Variants in ABHD5 observed in about 807,000 individuals in gnomAD.
ABHD5 encodes the protein 1-acylglycerol-3-phosphate O-acyltransferase ABHD5.
In ABHD5, 30 loss-of-function variants were observed where a neutral mutation model predicts 44.9. That is an observed-to-expected ratio of 0.67 (90% CI 0.50 to 0.91). The LOEUF is 0.91. ABHD5 is among the 40% of genes least tolerant of loss of function. The pLI is 0.00. For synonymous variants in ABHD5, 167 were observed against 147.0 expected (o/e 1.14, Z -0.99); for missense variants, 399 against 423.4 (o/e 0.94, Z 0.50).
At chr3:43,715,184 G>A in intron 5 of ABHD5, 126 bp downstream of exon 5, 1 of 698,276 alleles carries the variant, frequency 1.4e-6, no homozygotes, top group South Asian at 1.6e-5. Flanking sequence ...ATTCAATACG[G>A]GGTTTCGCTC....
At chr3:43,714,190 A>C (rs1413551298) in intron 4 of ABHD5, among the ~76,000 whole-genome samples, 5 of 141,654 alleles carry the variant, frequency 3.5e-5, no homozygotes. Context: ...GTTAGAGTGC[A>C]GTGGCGCGAT....
intron 4 of ABHD5, among the ~76,000 whole-genome samples, chr3:43,714,733 T>C (rs1423375169): frequency 6.6e-6 from 1 of 152,160 alleles, no homozygotes; most frequent in Non-Finnish European, 1.5e-5. Context: ...TACAATACTC[T>C]TTACTTCTTA....
chr3:43,702,098 A>G lies in ABHD5; in HGVS notation c.134-117A>G, dbSNP rs1304808534. 8 of 863,444 alleles carry G rather than the reference A, an allele frequency of 9.3e-6. No homozygotes were observed. In the Admixed American group the frequency reaches 2.3e-4, roughly 25 times the overall value. 53.5% of individuals were successfully genotyped at this position (863,444 alleles called of 1,614,324 possible). A position where few individuals can be genotyped will look rare whatever the true frequency, so the allele number is the denominator to read the frequency against. On this transcript the variant is annotated intron_variant, in intron 2 of 6. Coordinates refer to ENST00000644371, the MANE Select transcript of ABHD5 (RefSeq NM_016006.6). ...ACTTTTTAAAAATAGCTGACAATACAAGCTAAAATCATGAGATTGGATACT... is the reference window on the plus strand; with the variant it reads ...ACTTTTTAAAAATAGCTGACAATACGAGCTAAAATCATGAGATTGGATACT...
In ABHD5 at chr3:43,721,596, C is replaced by T. The variant is rs1027900235; in HGVS notation, c.*3064C>T. The T allele has an allele frequency of 1.3e-5, 2 of 151,126 alleles. No homozygotes were observed. The highest frequency in any genetic ancestry group is 4.9e-5 in the African/African-American group (2 of 41,152). 9.4% of individuals were successfully genotyped at this position (151,126 alleles called of 1,614,324 possible). On this transcript the variant is annotated 3_prime_UTR_variant, in exon 7 of 7. Coordinates refer to ENST00000644371, the MANE Select transcript of ABHD5 (RefSeq NM_016006.6). ...AAAAAAAAAAAAATTAAGTACCTGG[C>T]CTGGGTTCCACCTACTTGGGAGGCT...
intron 7 of ABHD5, among the ~76,000 whole-genome samples, chr3:43,728,987 C>T (rs1263652238): frequency 6.6e-6 from 1 of 152,188 alleles, no homozygotes; most frequent in African/African-American, 2.4e-5. Flanking sequence ...TGGTTTCTAA[C>T]ATGTTTGCTG....
At chr3:43,691,904 T>C (rs1425329313) in intron 1 of ABHD5, among the ~76,000 whole-genome samples, 1 of 152,164 alleles carries the variant, frequency 6.6e-6, no homozygotes, top group East Asian at 1.9e-4. Flanking sequence ...ACTGTGGAAG[T>C]TGGAGGGCAG....
At chr3:43,691,335 C>G (rs1000879220) in intron 1 of ABHD5, 2 of 265,402 alleles carry the variant, frequency 7.5e-6, no homozygotes, top group African/African-American at 4.5e-5. Flanking sequence ...GTATAAGCCA[C>G]CCCGCGGGCC....
rs992545078 is a variant in ABHD5 at position 43,690,938 on chromosome 3, A to G, written c.-55A>G. On this transcript the variant is annotated 5_prime_UTR_variant, in exon 1 of 7. Transcript: ENST00000644371. ...GTGCCGCGCCAGCCCGGGGCGGCCC[A>G]GTCGGCCTGTCAGCCGGCTTCGAGA... 4 of 1,535,320 alleles carry G rather than the reference A, an allele frequency of 2.6e-6. No homozygotes were observed. Among genetic ancestry groups the G allele is most frequent in the East Asian group, 2.7e-5 (1 of 37,484 alleles).
intron 4 of ABHD5, among the ~76,000 whole-genome samples, chr3:43,714,490 G>T (rs2084735066): frequency 6.6e-6 from 1 of 152,110 alleles, no homozygotes; most frequent in Admixed American, 6.5e-5. Flanking sequence ...CCTTAGCAGG[G>T]AGTCTCGCTA....
intron 1 of ABHD5, among the ~76,000 whole-genome samples, chr3:43,693,412 A>G (rs1309800508): frequency 6.6e-5 from 10 of 152,208 alleles, no homozygotes; most frequent in Admixed American, 6.5e-4. Context: ...GGTTTACATT[A>G]GACTGTGAAT....
chr3:43,703,491 T>C (rs1008027824), intron 3 of ABHD5, among the ~76,000 whole-genome samples: 1 of 152,168 alleles, frequency 6.6e-6, no homozygotes, highest in Non-Finnish European at 1.5e-5. Flanking sequence ...TTTACGTTAT[T>C]TTTAAATGCT....
At chr3:43,702,186 A>T in intron 2 of ABHD5, 29 bp from the exon 3 acceptor site, 10 of 1,566,144 alleles carry the variant, frequency 6.4e-6, no homozygotes, top group Non-Finnish European at 7.8e-6. Flanking sequence ...ATAAAATGAA[A>T]CAGAATTTCT....
intron 1 of ABHD5, among the ~76,000 whole-genome samples, chr3:43,696,471 G>A (rs547846796): frequency 6.6e-6 from 1 of 152,172 alleles, no homozygotes; most frequent in Non-Finnish European, 1.5e-5. Flanking sequence ...GAGCAACACT[G>A]AATGGCATAG....
intron 3 of ABHD5, among the ~76,000 whole-genome samples, chr3:43,703,005 G>A (rs2084564763): frequency 6.6e-6 from 1 of 152,108 alleles, no homozygotes; most frequent in Non-Finnish European, 1.5e-5. Context: ...ATGACTTAGA[G>A]CAAATCACTT....
At chr3:43,717,118 C>T (rs1575607002) in intron 5 of ABHD5, among the ~76,000 whole-genome samples, 1 of 151,816 alleles carries the variant, frequency 6.6e-6, no homozygotes. Context: ...CTGCAGTGAG[C>T]TGAGACTGTG....
At chr3:43,716,891 G>C (rs2084769294) in intron 5 of ABHD5, among the ~76,000 whole-genome samples, 1 of 152,144 alleles carries the variant, frequency 6.6e-6, no homozygotes, top group Non-Finnish European at 1.5e-5. Flanking sequence ...ATAGCAGAAG[G>C]GACCAGGCGT....
At chr3:43,717,529 T>A in intron 5 of ABHD5, 142 bp from the exon 6 acceptor site, 1 of 841,858 alleles carries the variant, frequency 1.2e-6, no homozygotes, top group Non-Finnish European at 2.0e-6. Context: ...TTACACTGTC[T>A]CATAAATTAT....
intron 4 of ABHD5, among the ~76,000 whole-genome samples, chr3:43,713,957 A>G (rs2084723455): frequency 2.6e-5 from 4 of 151,970 alleles, no homozygotes; most frequent in African/African-American, 4.8e-5. Flanking sequence ...GAGGGCCAGT[A>G]GAGAAGTAAA....
intron 1 of ABHD5, among the ~76,000 whole-genome samples, chr3:43,695,915 TTA>T (rs2084468766): frequency 6.6e-6 from 1 of 152,272 alleles, no homozygotes; most frequent in African/African-American, 2.4e-5. Flanking sequence ...ATAACTTTTC[TTA>T]CTCAAAAGTC....
Sources: gnomAD v4.1 joint callset for allele counts (sites outside exome capture counted in the v4.1 genomes callset) on GRCh38, gnomAD v4.1.1 for gene constraint, MANE v1.5 for transcripts, NCBI Gene and HGNC (gene_info 2026-07-23, HGNC 2026-07-21) for gene names.